DCAF4: variants seen among roughly 807,000 people sequenced by gnomAD.
The protein encoded by DCAF4 is DDB1- and CUL4-associated factor 4.
Under a neutral mutation model 60.9 loss-of-function variants are expected in DCAF4, and 37 were observed. That is an observed-to-expected ratio of 0.61 (90% CI 0.47 to 0.80). The LOEUF is 0.80. DCAF4 is among the 30% of genes least tolerant of loss of function. The pLI is 0.00. For missense variants in DCAF4, 577 were observed against 650.0 expected (o/e 0.89, Z 1.22); for synonymous variants, 243 against 254.8 (o/e 0.95, Z 0.44).
intron 8 of DCAF4, among the ~76,000 whole-genome samples, chr14:72,949,955 T>G (rs1891208170): frequency 6.6e-6 from 1 of 151,922 alleles, no homozygotes; most frequent in Non-Finnish European, 1.5e-5. Context: ...GCAGGAGGGA[T>G]TGCAGCCACC....
In DCAF4 at chr14:72,947,592, G is replaced by A. The variant is rs76245477; in HGVS notation, c.728+401G>A. 2.8e-3 allele frequency among the ~76,000 whole-genome samples: 419 copies of A among 152,348 alleles called. 2 individuals carry two copies. The highest frequency in any genetic ancestry group is 9.7e-3 in the African/African-American group (402 of 41,590). On this transcript the variant is annotated intron_variant, in intron 8 of 13. Coordinates refer to ENST00000358377, the MANE Select transcript of DCAF4 (RefSeq NM_015604.4). The stretch of plus-strand genomic sequence containing the variant: ...CCAGTATTCCTGCCGGAGGGCTGGT[G>A]TGGTAGCAGAGGAACAAGGCAGAAA...
chr14:72,935,347 T>G (rs1020172608), intron 1 of DCAF4, among the ~76,000 whole-genome samples: 13 of 151,942 alleles, frequency 8.6e-5, no homozygotes, highest in Admixed American at 8.5e-4. Context: ...CTCCGCCACC[T>G]GGGTTCAAAC....
intron 1 of DCAF4, chr14:72,929,544 TTTTTTA>T: frequency 1.2e-6 from 1 of 835,766 alleles, no homozygotes; most frequent in Non-Finnish European, 2.0e-6. Flanking sequence ...TACAAAAATA[TTTTTTA>T]TTTTTATTTT....
At chr14:72,950,861 AG>A (rs1404663720) in intron 8 of DCAF4, among the ~76,000 whole-genome samples, 1 of 152,154 alleles carries the variant, frequency 6.6e-6, no homozygotes, top group Non-Finnish European at 1.5e-5. Flanking sequence ...AAATATATGT[AG>A]TGGAAATACA....
At chr14:72,961,126 A>G (rs1892803716), downstream of DCAF4, among the ~76,000 whole-genome samples, 1 of 151,862 alleles carries the variant, frequency 6.6e-6, no homozygotes, top group African/African-American at 2.4e-5. Flanking sequence ...GGCTCAAGTG[A>G]TCCTCTGGCC....
intron 6 of DCAF4, among the ~76,000 whole-genome samples, chr14:72,945,617 A>G (rs113559574): frequency 3.9e-5 from 6 of 152,182 alleles, no homozygotes; most frequent in African/African-American, 1.4e-4. Flanking sequence ...GTCCTCATGC[A>G]GACCTCAGAC....
Position 72,947,138 on chromosome 14 carries a change from C to T in DCAF4, c.679-4C>T, listed in dbSNP as rs747983403. 78 of 1,614,046 alleles carry T rather than the reference C, an allele frequency of 4.8e-5. No individual in the cohort carries two copies. The highest frequency in any genetic ancestry group is 6.1e-5 in the Non-Finnish European group (72 of 1,180,032). On this transcript the variant is annotated splice_polypyrimidine_tract_variant and splice_region_variant and intron_variant, in intron 7 of 13. Transcript: ENST00000358377. ...TTCCATCTCGCTGTGTGCTTCCTCA[C>T]CAGGTGAATTCGGTGTGCTGGGCCT...
At chr14:72,951,701 C>T in intron 8 of DCAF4, 97 bp from the exon 9 acceptor site, 1 of 1,138,252 alleles carries the variant, frequency 8.8e-7, no homozygotes, top group Admixed American at 1.7e-5. Flanking sequence ...TTACTCTGGC[C>T]TAGGTTGTGT....
chr14:72,944,092 G>A (rs1206992049), intron 6 of DCAF4, among the ~76,000 whole-genome samples: 1 of 152,144 alleles, frequency 6.6e-6, no homozygotes, highest in Non-Finnish European at 1.5e-5. Flanking sequence ...GGACGGTGGG[G>A]GTCATTGGTG....
intron 9 of DCAF4, among the ~76,000 whole-genome samples, chr14:72,953,735 A>T (rs1891817646): frequency 5.7e-5 from 1 of 17,510 alleles, no homozygotes; most frequent in Admixed American, 8.3e-4. Context: ...AAAAAAAAAT[A>T]TATATATATA....
chr14:72,939,942 AC>A, intron 3 of DCAF4, 40 bp downstream of exon 3: 1 of 1,536,464 alleles, frequency 6.5e-7, no homozygotes, highest in Non-Finnish European at 8.8e-7. Context: ...GCCCTTGCAC[AC>A]AGGGAAGGCT....
chr14:72,956,773 G>A (rs930202720), intron 13 of DCAF4: 10 of 390,942 alleles, frequency 2.6e-5, no homozygotes, highest in Non-Finnish European at 4.3e-5. Flanking sequence ...GTCCTGGGGA[G>A]CCTGGGTTTG....
intron 5 of DCAF4, 80 bp from the exon 6 acceptor site, chr14:72,942,914 G>T: frequency 1.5e-6 from 2 of 1,304,770 alleles, no homozygotes. Context: ...CGTCAGCGGG[G>T]CAGGGAAGGC....
chr14:72,953,930 A>G (rs377286626), intron 9 of DCAF4, among the ~76,000 whole-genome samples: 9 of 150,088 alleles, frequency 6.0e-5, no homozygotes, highest in African/African-American at 2.2e-4. Flanking sequence ...TATCAGTACT[A>G]TTCGTACTGT....
chr14:72,927,341 T>G (rs1233160240), intron 1 of DCAF4, among the ~76,000 whole-genome samples: 7 of 107,032 alleles, frequency 6.5e-5, no homozygotes, highest in East Asian at 6.4e-4. Flanking sequence ...CGCGGTGGTG[T>G]TCTTTTTTTT....
chr14:72,933,949 C>A (rs1888911370), intron 1 of DCAF4, among the ~76,000 whole-genome samples: 1 of 152,182 alleles, frequency 6.6e-6, no homozygotes, highest in Admixed American at 6.5e-5. Flanking sequence ...CTTGCCACTG[C>A]AGTTCTTACT....
chr14:72,953,726 A>ATATATAT (rs1256128158), intron 9 of DCAF4, among the ~76,000 whole-genome samples: 4 of 45,868 alleles, frequency 8.7e-5, no homozygotes, highest in East Asian at 5.0e-4. Context: ...AAAAAAAAAA[A>ATATATAT]AAAAAAATAT....
chr14:72,929,440 G>A (rs1256504155), intron 1 of DCAF4, among the ~76,000 whole-genome samples: 3 of 152,234 alleles, frequency 2.0e-5, no homozygotes, highest in Admixed American at 2.0e-4. Context: ...GGTGGCTCAC[G>A]CCTGTCATCC....
chr14:72,952,839 C>T (rs1341366611), intron 9 of DCAF4, among the ~76,000 whole-genome samples: 1 of 150,874 alleles, frequency 6.6e-6, no homozygotes, highest in Non-Finnish European at 1.5e-5. Context: ...AGATCACAGG[C>T]GCACACCACC....
Sources: allele counts gnomAD v4.1 joint callset (sites outside exome capture counted in the v4.1 genomes callset), GRCh38; gene constraint gnomAD v4.1.1; transcripts MANE v1.5; gene names NCBI Gene and HGNC (gene_info 2026-07-23, HGNC 2026-07-21).